Variants in FYB1 observed in about 807,000 individuals in gnomAD.
FYB1 encodes the protein FYN binding protein 1, also known as FYN-binding protein 1.
A neutral mutation model predicts 94.1 loss-of-function variants in FYB1; 41 were observed. The observed-to-expected ratio is 0.44, with a 90% CI of 0.34 to 0.57. The LOEUF (loss-of-function observed/expected upper bound fraction) is 0.57, where lower values mean the gene tolerates loss of function less well. Ranked by LOEUF, FYB1 falls within the 20% of genes least tolerant of loss-of-function variation. FYB1 has a pLI of 0.02. For synonymous variants in FYB1, 367 were observed against 353.2 expected (o/e 1.04, Z -0.44); for missense variants, 1,050 against 976.8 (o/e 1.07, Z -1.00).
intron 1 of FYB1, among the ~76,000 whole-genome samples, chr5:39,211,376 A>T (rs780602064): frequency 2.6e-4 from 38 of 145,406 alleles, no homozygotes; most frequent in Non-Finnish European, 4.3e-4. Context: ...GCTGCAGTGC[A>T]GTGGCGCGAT....
intron 2 of FYB1, among the ~76,000 whole-genome samples, chr5:39,154,506 T>G (rs1295920503): frequency 5.7e-5 from 1 of 17,636 alleles, no homozygotes; most frequent in East Asian, 5.4e-4. Flanking sequence ...CCATTTTCCT[T>G]TTTTTTTTTT....
At position 39,267,442 on chromosome 5, in the gene FYB1, G is replaced by A. The variant is rs188864139; in HGVS notation, c.-28+6961C>T. 3.8e-3 allele frequency among the ~76,000 whole-genome samples: 575 copies of A among 151,998 alleles called. 1 individual carries two copies. Among genetic ancestry groups the A allele is most frequent in the Non-Finnish European group, 6.7e-3 (453 of 67,998 alleles). On this transcript the variant is annotated intron_variant, in intron 1 of 1. Coordinates refer to the FYB1 transcript ENST00000510188. ...CATTGGATGAGGAAACAAACCCAAA[G>A]CTTAAGTGACTTATGGAAAACAAGT... is the stretch of plus-strand genomic sequence containing the variant.
chr5:39,212,272 T>C (rs996310992), intron 1 of FYB1, among the ~76,000 whole-genome samples: 2 of 151,892 alleles, frequency 1.3e-5, no homozygotes, highest in Non-Finnish European at 2.9e-5. Context: ...TGCACCACTG[T>C]ACTCTAGCCT....
chr5:39,135,051 T>A, intron 7 of FYB1, 37 bp from the exon 8 acceptor site: 1 of 1,599,688 alleles, frequency 6.3e-7, no homozygotes, highest in Non-Finnish European at 8.5e-7. Flanking sequence ...AAGATTTCCT[T>A]ATAATTTAGA....
At chr5:39,113,463 G>T (rs1739253693) in intron 16 of FYB1, among the ~76,000 whole-genome samples, 1 of 152,180 alleles carries the variant, frequency 6.6e-6, no homozygotes, top group African/African-American at 2.4e-5. Context: ...ATATGTGGTG[G>T]GGTAGAGCTA....
chr5:39,250,298 G>T (rs1286095951), intron 1 of FYB1, among the ~76,000 whole-genome samples: 1 of 152,168 alleles, frequency 6.6e-6, no homozygotes, highest in Non-Finnish European at 1.5e-5. Context: ...ATGGTGCCTT[G>T]TGTGTTACCA....
At chr5:39,205,862 A>G (rs1748801015) in intron 1 of FYB1, among the ~76,000 whole-genome samples, 1 of 152,174 alleles carries the variant, frequency 6.6e-6, no homozygotes, top group African/African-American at 2.4e-5. Context: ...GAGAATAATA[A>G]CAGTACCTAT....
At chr5:39,147,154 T>A (rs1742729444) in intron 3 of FYB1, among the ~76,000 whole-genome samples, 1 of 152,238 alleles carries the variant, frequency 6.6e-6, no homozygotes, top group Non-Finnish European at 1.5e-5. Context: ...GTTTTTATGC[T>A]ATAGCATGTA....
At chr5:39,126,841 C>T (rs1438867280) in intron 11 of FYB1, among the ~76,000 whole-genome samples, 3 of 151,292 alleles carry the variant, frequency 2.0e-5, no homozygotes, top group African/African-American at 4.9e-5. Context: ...GGCAGATCAC[C>T]CGAGATCAGA....
chr5:39,235,819 C>T (rs926401582), intron 1 of FYB1, among the ~76,000 whole-genome samples: 1 of 151,980 alleles, frequency 6.6e-6, no homozygotes, highest in African/African-American at 2.4e-5. Context: ...TATTTCTCAA[C>T]AAAACTGTTG....
intron 1 of FYB1, among the ~76,000 whole-genome samples, chr5:39,263,598 G>A (rs1752315307): frequency 6.6e-6 from 1 of 152,034 alleles, no homozygotes; most frequent in East Asian, 1.9e-4. Context: ...GCCCTCACAG[G>A]GAACCTTCTA....
At chr5:39,184,247 G>T (rs945680475) in intron 2 of FYB1, among the ~76,000 whole-genome samples, 1 of 152,062 alleles carries the variant, frequency 6.6e-6, no homozygotes, top group Non-Finnish European at 1.5e-5. Context: ...ACTGATCAAT[G>T]AAATCTGAAA....
chr5:39,168,370 G>A (rs1428789320), intron 2 of FYB1, among the ~76,000 whole-genome samples: 3 of 152,044 alleles, frequency 2.0e-5, no homozygotes, highest in Non-Finnish European at 2.9e-5. Context: ...GACAAGTAAA[G>A]GTGTATTTTA....
intron 14 of FYB1, among the ~76,000 whole-genome samples, chr5:39,120,077 C>A (rs1370159944): frequency 6.6e-6 from 1 of 151,976 alleles, no homozygotes; most frequent in African/African-American, 2.4e-5. Flanking sequence ...AACATTTATA[C>A]GTTGTTTTGT....
At chr5:39,269,013 C>T (rs1343884945) in intron 1 of FYB1, among the ~76,000 whole-genome samples, 6 of 152,190 alleles carry the variant, frequency 3.9e-5, no homozygotes, top group Non-Finnish European at 5.9e-5. Context: ...TTATAAACCA[C>T]AGTGCTCCTG....
At chr5:39,182,787 T>C (rs1373382462) in intron 2 of FYB1, among the ~76,000 whole-genome samples, 2 of 152,240 alleles carry the variant, frequency 1.3e-5, no homozygotes, top group Non-Finnish European at 1.5e-5. Flanking sequence ...CCTACAACAG[T>C]TAGCCCTTCT....
In FYB1 at chr5:39,122,343, C is replaced by G. The variant is rs757872041; in HGVS notation, c.2131G>C (p.Glu711Gln). ...TGAAAGCATTTTAATTACCTCATCT[C>G]TGCTGATGAAACAGGGAAATCAGAG... ...DTSDFPVSSA[E>Q]MSQGTNVGKA... Residue 711 changes from glutamate to glutamine, a missense_variant, in exon 14 of 19, where the codon GAG (glutamate) becomes CAG (glutamine). Coordinates refer to ENST00000512982, the MANE Select transcript of FYB1 (RefSeq NM_001465.6). 28 of 1,563,044 alleles carry G rather than the reference C, an allele frequency of 1.8e-5. No homozygotes were observed. Among genetic ancestry groups the G allele is most frequent in the Non-Finnish European group, 2.4e-5 (27 of 1,146,970 alleles).
chr5:39,271,594 C>A (rs1432514233), intron 1 of FYB1, among the ~76,000 whole-genome samples: 2 of 152,132 alleles, frequency 1.3e-5, no homozygotes, highest in Non-Finnish European at 1.5e-5. Flanking sequence ...ACTAATTAAT[C>A]CTATATCCAT....
At chr5:39,257,414 GA>G (rs1349374893) in intron 1 of FYB1, among the ~76,000 whole-genome samples, 1 of 131,588 alleles carries the variant, frequency 7.6e-6, no homozygotes, top group African/African-American at 3.5e-5. Context: ...TCGTCTTGCA[GA>G]ATTTTTTTTT....
Sources: allele counts gnomAD v4.1 joint callset (sites outside exome capture counted in the v4.1 genomes callset), GRCh38; gene constraint gnomAD v4.1.1; transcripts MANE v1.5; gene names NCBI Gene and HGNC (gene_info 2026-07-23, HGNC 2026-07-21).